Variants in ZNF469 observed in about 807,000 individuals in gnomAD.
The protein encoded by ZNF469 is zinc finger protein 469.
Under a neutral mutation model 1.0 loss-of-function variants are expected in ZNF469, and 1 was observed. The ratio of observed to expected loss-of-function variants is 1.00; its 90% confidence interval spans 0.35 to 4.73. The LOEUF (loss-of-function observed/expected upper bound fraction) is 4.73, where lower values mean the gene tolerates loss of function less well. ZNF469 is among the 30% of genes most tolerant of loss of function. The probability of loss-of-function intolerance (pLI) is 0.16; values close to 1 mark genes in which losing one functional copy is unlikely to be tolerated. For synonymous variants in ZNF469, 2,703 were observed against 2,363.4 expected, an observed-to-expected ratio of 1.14 and a Z score of -4.17; for missense variants, 6,100 against 5,356.3, an observed-to-expected ratio of 1.14 and a Z score of -4.33.
the ZNF469 span, among the ~76,000 whole-genome samples, chr16:88,285,297 GC>G: frequency 6.6e-6 from 1 of 152,264 alleles, no homozygotes. Flanking sequence ...GGCAGGTGAG[GC>G]CCTCAGGAGA....
At chr16:88,366,098 CCAT>C in the ZNF469 span, among the ~76,000 whole-genome samples, 916 of 149,502 alleles carry the variant, frequency 6.1e-3, 21 homozygotes, top group African/African-American at 0.022. Context: ...ATCATCATCA[CCAT>C]CATCACCATC....
chr16:88,169,986 T>C, the ZNF469 span, among the ~76,000 whole-genome samples: 14 of 152,244 alleles, frequency 9.2e-5, no homozygotes, highest in African/African-American at 3.1e-4. This position sits in a 1 kb window ranked among gnomAD's most constrained non-coding sequence, Gnocchi z 6.1. Context: ...AGCTGCTGTT[T>C]TTAGGATGCA....
intron 1 of ZNF469, among the ~76,000 whole-genome samples, chr16:88,405,301 C>T (rs115616653): frequency 0.01 from 1,579 of 152,252 alleles, 27 homozygotes; most frequent in African/African-American, 0.036. Flanking sequence ...CCTGGGCTAC[C>T]GCTGTGGTTT....
chr16:88,184,136 G>C, the ZNF469 span, among the ~76,000 whole-genome samples: 1 of 152,036 alleles, frequency 6.6e-6, no homozygotes, highest in African/African-American at 2.4e-5. Context: ...CGTGTAAACA[G>C]ACGAGACGAC....
At chr16:88,204,978 A>T in the ZNF469 span, among the ~76,000 whole-genome samples, 3 of 152,172 alleles carry the variant, frequency 2.0e-5, no homozygotes, top group South Asian at 6.2e-4. Context: ...CGCCAGCTGC[A>T]GGATTTATAA....
At chr16:88,287,394 T>C in the ZNF469 span, among the ~76,000 whole-genome samples, 1 of 152,218 alleles carries the variant, frequency 6.6e-6, no homozygotes, top group African/African-American at 2.4e-5. Context: ...TTGTAGACAG[T>C]GGTTGTGTAC....
chr16:88,337,310 T>C, the ZNF469 span, among the ~76,000 whole-genome samples: 1 of 152,212 alleles, frequency 6.6e-6, no homozygotes, highest in African/African-American at 2.4e-5. Flanking sequence ...TGAGATCTGA[T>C]GGTTTTATAG....
At chr16:88,352,937 C>T in the ZNF469 span, among the ~76,000 whole-genome samples, 1 of 152,128 alleles carries the variant, frequency 6.6e-6, no homozygotes, top group Non-Finnish European at 1.5e-5. Flanking sequence ...GAGGTGGGGG[C>T]AGAGAGCCAG....
Position 88,438,943 on chromosome 16 carries a change from C to T in ZNF469, c.11473C>T (p.Pro3825Ser). ...TKRKKGQVPG[P>S]ARSESVGSFG... The stretch of plus-strand genomic sequence containing the variant: ...GAGGAAAAAGGGCCAGGTCCCAGGG[C>T]CAGCCAGGAGTGAAAGTGTGGGGAG... The change falls in exon 3 of 3, where the codon CCA (proline) becomes TCA (serine). Residue 3825 changes from proline to serine, a missense_variant. Physicochemically the swap from Pro to Ser is moderately conservative, Grantham distance 74 (BLOSUM62 -1). Transcript: ENST00000565624. 3.2e-6 allele frequency: 5 copies of T among 1,550,560 alleles called. No homozygotes were observed. Among genetic ancestry groups the T allele is most frequent in the Non-Finnish European group, 4.4e-6 (5 of 1,146,970 alleles).
At chr16:88,334,016 GTGTGTGTCTGTGTGTGCA>G in the ZNF469 span, among the ~76,000 whole-genome samples, 1 of 151,632 alleles carries the variant, frequency 6.6e-6, no homozygotes, top group Non-Finnish European at 1.5e-5. Context: ...GTGTTTGTGT[GTGTGTGTCTGTGTGTGCA>G]TGTGTGTCTC....
the ZNF469 span, chr16:88,192,217 G>A: frequency 6.6e-6 from 1 of 152,292 alleles, no homozygotes; most frequent in Non-Finnish European, 1.5e-5. Flanking sequence ...CTGAGCTGGT[G>A]GAAGCGTTCG....
the ZNF469 span, among the ~76,000 whole-genome samples, chr16:88,346,692 A>C: frequency 1.3e-5 from 2 of 151,442 alleles, no homozygotes; most frequent in Non-Finnish European, 2.9e-5. Flanking sequence ...TAATTTTTTA[A>C]TTTTTGTAGT....
chr16:88,408,858 CCT>C (rs889711116), intron 1 of ZNF469, among the ~76,000 whole-genome samples: 2 of 152,126 alleles, frequency 1.3e-5, no homozygotes, highest in African/African-American at 4.8e-5. Flanking sequence ...GGCAGATATC[CCT>C]CTTTCTTCAT....
the ZNF469 span, among the ~76,000 whole-genome samples, chr16:88,357,395 C>T: frequency 3.9e-5 from 6 of 152,216 alleles, no homozygotes; most frequent in African/African-American, 1.4e-4. Context: ...ACTGCGTTGA[C>T]CCCCAGACCC....
chr16:88,366,795 A>ACCACC, the ZNF469 span, among the ~76,000 whole-genome samples: 2 of 151,262 alleles, frequency 1.3e-5, no homozygotes, highest in Non-Finnish European at 2.9e-5. Flanking sequence ...CATCATCACC[A>ACCACC]ATACCATTAC....
the ZNF469 span, among the ~76,000 whole-genome samples, chr16:88,111,471 A>G: frequency 6.6e-6 from 1 of 151,998 alleles, no homozygotes; most frequent in East Asian, 1.9e-4. Context: ...CTGTTGTACT[A>G]TCAAATAATA....
Position 88,429,284 on chromosome 16 carries a change from G to A in ZNF469, c.1814G>A (p.Cys605Tyr). The change falls in exon 3 of 3, where the codon TGC (cysteine) becomes TAC (tyrosine). Residue 605 changes from cysteine to tyrosine, a missense_variant. Transcript: ENST00000565624. Reference sequence around the variant, plus strand: ...GCCACCAACACGGCCGGCAGCACCTGCTCTTCCCTGTCGCCGATGTCCAGC... The same window carrying A: ...GCCACCAACACGGCCGGCAGCACCTACTCTTCCCTGTCGCCGATGTCCAGC... The part of the protein sequence containing the change: ...SPATNTAGST[C>Y]SSLSPMSSSP... The A allele has an allele frequency of 1.3e-6, 2 of 1,549,884 alleles. No individual in the cohort carries two copies. Among genetic ancestry groups the A allele is most frequent in the South Asian group, 1.2e-5 (1 of 84,054 alleles).
the ZNF469 span, among the ~76,000 whole-genome samples, chr16:88,132,162 C>T: frequency 5.9e-5 from 9 of 152,250 alleles, no homozygotes; most frequent in African/African-American, 1.9e-4. Context: ...GTGCCTCAGG[C>T]TGCACTTGGG....
At chr16:88,192,817 ATGGTGG>A in the ZNF469 span, among the ~76,000 whole-genome samples, 5 of 35,346 alleles carry the variant, frequency 1.4e-4, no homozygotes, top group African/African-American at 2.6e-4. Flanking sequence ...AATGATGGTG[ATGGTGG>A]TGGTGGTGGT....
Sources: allele counts gnomAD v4.1 joint callset (sites outside exome capture counted in the v4.1 genomes callset), GRCh38; gene constraint gnomAD v4.1.1; non-coding constraint Gnocchi (gnomAD v3.1); transcripts MANE v1.5; gene names NCBI Gene and HGNC (gene_info 2026-07-23, HGNC 2026-07-21).